Variants in AP2B1 observed in about 807,000 individuals in gnomAD.
AP2B1 encodes the protein AP-2 complex subunit beta.
A neutral mutation model predicts 102.0 loss-of-function variants in AP2B1; 23 were observed. The observed-to-expected ratio is 0.23, with a 90% CI of 0.16 to 0.32. AP2B1 has a LOEUF of 0.32. Ranked by LOEUF, AP2B1 falls within the 10% of genes least tolerant of loss-of-function variation. The probability of loss-of-function intolerance (pLI) is 1.00; values close to 1 mark genes in which losing one functional copy is unlikely to be tolerated. For missense variants in AP2B1, 541 were observed against 1,157.4 expected, an observed-to-expected ratio of 0.47 and a Z score of 7.73; for synonymous variants, 381 against 421.2, an observed-to-expected ratio of 0.90 and a Z score of 1.17.
At chr17:35,603,041 A>G (rs1240447422) in intron 3 of AP2B1, among the ~76,000 whole-genome samples, 2 of 152,234 alleles carry the variant, frequency 1.3e-5, no homozygotes, top group Non-Finnish European at 2.9e-5. Flanking sequence ...AGTGAAACAC[A>G]TAGTTTGCTT....
chr17:35,648,433 T>G (rs1050686762), intron 12 of AP2B1, among the ~76,000 whole-genome samples: 3 of 152,038 alleles, frequency 2.0e-5, no homozygotes, highest in South Asian at 2.1e-4. Flanking sequence ...GGAGAATCAC[T>G]TGAACCCGAG....
At chr17:35,658,868 G>A (rs887808636) in intron 14 of AP2B1, among the ~76,000 whole-genome samples, 3 of 152,124 alleles carry the variant, frequency 2.0e-5, no homozygotes, top group African/African-American at 7.2e-5. Flanking sequence ...GGCTAGCAGA[G>A]AGTCTAAGGA....
chr17:35,609,675 A>G (rs943567472), intron 5 of AP2B1, among the ~76,000 whole-genome samples: 4 of 152,048 alleles, frequency 2.6e-5, no homozygotes, highest in African/African-American at 7.2e-5. Flanking sequence ...GGGTCTTGCT[A>G]TGTTGCCCAG....
chr17:35,722,681 G>T (rs143770630), intron 21 of AP2B1, among the ~76,000 whole-genome samples: 590 of 152,206 alleles, frequency 3.9e-3, no homozygotes, highest in African/African-American at 0.013. Context: ...ATCTCACGGT[G>T]CTACATCATT....
At chr17:35,612,280 A>T (rs1466689167) in intron 5 of AP2B1, among the ~76,000 whole-genome samples, 1 of 152,146 alleles carries the variant, frequency 6.6e-6, no homozygotes, top group Non-Finnish European at 1.5e-5. Context: ...AAGCCTGAGA[A>T]CAGAGTGCCT....
At chr17:35,603,146 TTTTGTGTA>T (rs2073546124) in intron 3 of AP2B1, among the ~76,000 whole-genome samples, 1 of 152,226 alleles carries the variant, frequency 6.6e-6, no homozygotes. Flanking sequence ...TTCTGTACCC[TTTTGTGTA>T]TATAGGACCA....
intron 17 of AP2B1, 147 bp downstream of exon 17, chr17:35,674,468 C>A: frequency 1.0e-6 from 1 of 972,586 alleles, no homozygotes; most frequent in Non-Finnish European, 1.5e-6. Context: ...TTTGGGAGGC[C>A]GAGACGGGCT....
At chr17:35,632,638 C>G (rs1248531439) in intron 9 of AP2B1, among the ~76,000 whole-genome samples, 3 of 150,798 alleles carry the variant, frequency 2.0e-5, no homozygotes, top group Non-Finnish European at 2.9e-5. Flanking sequence ...TTCTGTTCCT[C>G]TGCCATACTG....
intron 18 of AP2B1, among the ~76,000 whole-genome samples, chr17:35,685,245 TC>T (rs1456320167): frequency 1.3e-5 from 2 of 152,188 alleles, no homozygotes; most frequent in Admixed American, 6.5e-5. Flanking sequence ...AAAAACTTTT[TC>T]CCCCTGTGAG....
Position 35,670,490 on chromosome 17 carries a change from A to G in AP2B1, c.1990-367A>G, listed in dbSNP as rs534209303. ...CTATAAGTTTCCTTTTAAAGAAAAAATAAAGCATATTCGAAATATTGCCGC... is the reference window on the plus strand; with the variant it reads ...CTATAAGTTTCCTTTTAAAGAAAAAGTAAAGCATATTCGAAATATTGCCGC... On this transcript the variant is annotated intron_variant, in intron 14 of 21. Coordinates refer to ENST00000610402, the MANE Select transcript of AP2B1 (RefSeq NM_001030006.2). 4.6e-5 allele frequency among the ~76,000 whole-genome samples: 7 copies of G among 152,316 alleles called. No homozygotes were observed. The East Asian group carries it at 1.4e-3, about 29-fold the overall frequency.
rs942338053 is a variant in AP2B1 at position 35,710,231 on chromosome 17, C to G, written c.2540-3C>G. On this transcript the variant is annotated splice_polypyrimidine_tract_variant and splice_region_variant and intron_variant, in intron 19 of 21. Coordinates refer to ENST00000610402, the MANE Select transcript of AP2B1 (RefSeq NM_001030006.2). ...CATCCTTCCCCTCTGCTTTCCCATA[C>G]AGAGCGCCAGGTCTTCCTTGCAACA... 8 of 1,609,880 alleles carry G rather than the reference C, an allele frequency of 5.0e-6. No individual in the cohort carries two copies. The highest frequency in any genetic ancestry group is 6.8e-6 in the Non-Finnish European group (8 of 1,176,290).
chr17:35,674,355 A>T, intron 17 of AP2B1, 34 bp downstream of exon 17: 2 of 1,611,778 alleles, frequency 1.2e-6, no homozygotes, highest in Non-Finnish European at 1.7e-6. Context: ...TGATGTTGAG[A>T]CAACAGTTTG....
chr17:35,702,877 C>T (rs900483313), intron 18 of AP2B1, among the ~76,000 whole-genome samples: 60 of 152,132 alleles, frequency 3.9e-4, no homozygotes, highest in Non-Finnish European at 1.3e-4. Context: ...TTGAAAATAA[C>T]AGATGCTGGT....
At chr17:35,634,456 A>T (rs1429991715) in intron 9 of AP2B1, among the ~76,000 whole-genome samples, 2 of 152,208 alleles carry the variant, frequency 1.3e-5, no homozygotes, top group Non-Finnish European at 2.9e-5. Context: ...ATTGTAATAT[A>T]TGATAGGCTG....
rs1418039236 is a variant in AP2B1, at chr17:35,725,493, C to G, written c.*1794C>G. On this transcript the variant is annotated 3_prime_UTR_variant, in exon 22 of 22. Coordinates refer to ENST00000610402, the MANE Select transcript of AP2B1 (RefSeq NM_001030006.2). ...AGTTGCAAAGCTTGTGGGGAGCGGTCCCACAAAGCACTTTCTTAAACCTTG... is the reference window on the plus strand; with the variant it reads ...AGTTGCAAAGCTTGTGGGGAGCGGTGCCACAAAGCACTTTCTTAAACCTTG... The G allele has an allele frequency of 3.3e-5, 5 of 152,114 alleles. No homozygotes were observed. The highest frequency in any genetic ancestry group is 7.2e-5 in the African/African-American group (3 of 41,406). The allele number at this position is 152,114 out of a possible 1,614,324, so 9.4% of individuals were successfully genotyped here.
chr17:35,622,365 A>G (rs57123602), intron 5 of AP2B1, among the ~76,000 whole-genome samples: 2,008 of 152,258 alleles, frequency 0.013, 50 homozygotes, highest in African/African-American at 0.047. Flanking sequence ...CATTTTTGTA[A>G]GTATATTATT....
intron 18 of AP2B1, among the ~76,000 whole-genome samples, chr17:35,686,760 C>A (rs587667944): frequency 6.6e-6 from 1 of 152,026 alleles, no homozygotes; most frequent in South Asian, 2.1e-4. Flanking sequence ...GTCAGGAGAT[C>A]GAGACCATCC....
chr17:35,709,681 A>G (rs2076409595), intron 19 of AP2B1, among the ~76,000 whole-genome samples: 2 of 152,166 alleles, frequency 1.3e-5, no homozygotes, highest in African/African-American at 4.8e-5. Context: ...AATAATTTTT[A>G]TAATTATTTC....
intron 13 of AP2B1, among the ~76,000 whole-genome samples, chr17:35,652,441 G>C (rs547817418): frequency 1.3e-5 from 2 of 152,062 alleles, no homozygotes; most frequent in African/African-American, 2.4e-5. Context: ...ACTTCACTAG[G>C]TCTTTTAAAA....
Sources: gnomAD v4.1 joint callset for allele counts (sites outside exome capture counted in the v4.1 genomes callset) on GRCh38, gnomAD v4.1.1 for gene constraint, MANE v1.5 for transcripts, NCBI Gene and HGNC (gene_info 2026-07-23, HGNC 2026-07-21) for gene names.